Variants in SDK1 observed in about 807,000 individuals in gnomAD.
The protein encoded by SDK1 is sidekick cell adhesion molecule 1.
SDK1 carries 157 observed loss-of-function variants against 245.5 expected under a neutral mutation model. That is an observed-to-expected ratio of 0.64 (90% confidence interval 0.56 to 0.73). SDK1 has a LOEUF of 0.73. SDK1 is among the 30% of genes least tolerant of loss of function. The pLI is 0.00. For missense variants in SDK1, 3,583 were observed against 3,002.3 expected, an observed-to-expected ratio of 1.19 and a Z score of -4.52; for synonymous variants, 1,647 against 1,278.5, an observed-to-expected ratio of 1.29 and a Z score of -6.15.
rs559409864 is a variant in SDK1 at position 3,584,229 on chromosome 7, G to A, written c.299-34851G>A. Among the ~76,000 whole-genome samples the A allele has an allele frequency of 1.9e-4, 29 of 152,198 alleles. No individual in the cohort carries two copies. In the South Asian group the frequency reaches 6.0e-3, roughly 32 times the overall value. On this transcript the variant is annotated intron_variant, in intron 1 of 44. Coordinates refer to ENST00000404826, the MANE Select transcript of SDK1 (RefSeq NM_152744.4). ...TTAATATGCTTTGTGACTGTAGGAG[G>A]GGATATGTTGTGTCATCTCCAAACG...
intron 33 of SDK1, among the ~76,000 whole-genome samples, chr7:4,175,560 GC>G (rs1224325112): frequency 1.3e-5 from 2 of 152,266 alleles, no homozygotes; most frequent in African/African-American, 2.4e-5. Flanking sequence ...GGACTGGGGT[GC>G]CTTGTTGTTT....
At chr7:3,425,576 A>G (rs995966893) in intron 1 of SDK1, among the ~76,000 whole-genome samples, 5 of 152,246 alleles carry the variant, frequency 3.3e-5, no homozygotes, top group African/African-American at 1.2e-4. Flanking sequence ...AGAATGGAAA[A>G]CAAATTTATA....
At chr7:3,959,894 A>G (rs1437624244) in intron 8 of SDK1, among the ~76,000 whole-genome samples, 1 of 151,136 alleles carries the variant, frequency 6.6e-6, no homozygotes, top group Non-Finnish European at 1.5e-5. Context: ...GCCCACTGTC[A>G]CCGTCTCATG....
At position 4,084,651 on chromosome 7, in the gene SDK1, A is replaced by G. The variant is rs141280724; in HGVS notation, c.3324+5067A>G. On this transcript the variant is annotated intron_variant, in intron 22 of 44. Transcript: ENST00000404826. ...TTTCCAATGAAATTTCAGGTTACTG[A>G]CCTTAAATGTATATGTTATGTTACG... 2.3e-3 allele frequency among the ~76,000 whole-genome samples: 342 copies of G among 150,082 alleles called. 1 individual carries two copies. Among genetic ancestry groups the G allele is most frequent in the African/African-American group, 8.1e-3 (330 of 40,912 alleles).
chr7:3,514,323 T>C (rs1782670051), intron 1 of SDK1, among the ~76,000 whole-genome samples: 1 of 152,238 alleles, frequency 6.6e-6, no homozygotes, highest in African/African-American at 2.4e-5. Flanking sequence ...TTGTGTTTTC[T>C]GTTGATGAAA....
intron 1 of SDK1, among the ~76,000 whole-genome samples, chr7:3,552,430 CT>C (rs965917311): frequency 7.2e-5 from 11 of 152,310 alleles, no homozygotes; most frequent in African/African-American, 2.2e-4. Flanking sequence ...CTCAGCCACT[CT>C]TTTTGCCAGA....
At chr7:3,539,676 G>C (rs904293499) in intron 1 of SDK1, among the ~76,000 whole-genome samples, 2 of 152,212 alleles carry the variant, frequency 1.3e-5, no homozygotes, top group African/African-American at 4.8e-5. Flanking sequence ...GTTGTAGATT[G>C]AATGACTAAA....
At position 3,957,403 on chromosome 7, in the gene SDK1, C is replaced by T. The variant is rs539138522; in HGVS notation, c.1151-1528C>T. On this transcript the variant is annotated intron_variant, in intron 7 of 44. Coordinates refer to ENST00000404826, the MANE Select transcript of SDK1 (RefSeq NM_152744.4). ...GCAAGATGTTACCATTGCGGGAAGC[C>T]GAGTGAAGGGTCCATGAGCTCTTTC... Among the ~76,000 whole-genome samples, 5 of 152,250 alleles carry T rather than the reference C, an allele frequency of 3.3e-5. 1 individual carries two copies. Among genetic ancestry groups the T allele is most frequent in the East Asian group, 1.9e-4 (1 of 5,172 alleles).
At chr7:3,493,609 A>T (rs902766191) in intron 1 of SDK1, among the ~76,000 whole-genome samples, 2 of 152,228 alleles carry the variant, frequency 1.3e-5, no homozygotes, top group African/African-American at 4.8e-5. Context: ...GGAAAGCAGA[A>T]TTATAGAAAA....
In SDK1 at chr7:3,718,696, G is replaced by A. The variant is rs373970303; in HGVS notation, c.713+76591G>A. On this transcript the variant is annotated intron_variant, in intron 4 of 44. Transcript: ENST00000404826. ...GAAACTTACAACTAATACACTTAGT[G>A]GTGAGAAGGTGAATGCTTTTTCCCC... is the stretch of plus-strand genomic sequence containing the variant. Among the ~76,000 whole-genome samples the A allele has an allele frequency of 6.6e-5, 10 of 152,170 alleles. No homozygotes were observed. In the East Asian group the frequency reaches 1.9e-3, roughly 29 times the overall value.
At chr7:3,629,377 C>T (rs1782222490) in intron 2 of SDK1, among the ~76,000 whole-genome samples, 1 of 151,976 alleles carries the variant, frequency 6.6e-6, no homozygotes, top group South Asian at 2.1e-4. Flanking sequence ...TCCAGAGGGT[C>T]CCCCTTTAAT....
intron 22 of SDK1, among the ~76,000 whole-genome samples, chr7:4,106,645 A>AT (rs1782933425): frequency 1.3e-5 from 2 of 152,116 alleles, no homozygotes; most frequent in South Asian, 4.2e-4. Flanking sequence ...CTGCAGAGGG[A>AT]GCCGCACGCC....
At chr7:3,467,148 A>G (rs955727314) in intron 1 of SDK1, among the ~76,000 whole-genome samples, 3 of 152,092 alleles carry the variant, frequency 2.0e-5, no homozygotes. Context: ...TGCTTTCTTC[A>G]TGGGGAAAGT....
chr7:3,330,378 C>A (rs1201573741), intron 1 of SDK1, among the ~76,000 whole-genome samples: 1 of 152,026 alleles, frequency 6.6e-6, no homozygotes, highest in African/African-American at 2.4e-5. Flanking sequence ...TAAATGTGTT[C>A]CCTAAATTTT....
intron 1 of SDK1, among the ~76,000 whole-genome samples, chr7:3,441,195 GTTA>G (rs1780185761): frequency 6.6e-6 from 1 of 151,946 alleles, no homozygotes; most frequent in African/African-American, 2.4e-5. Flanking sequence ...TTTATTACTA[GTTA>G]TTGTTAATAT....
chr7:4,076,319 C>T (rs985022741), intron 20 of SDK1, among the ~76,000 whole-genome samples: 9 of 152,078 alleles, frequency 5.9e-5, no homozygotes, highest in Admixed American at 3.9e-4. Context: ...TAAGGGAGGC[C>T]GAGGCGGGAG....
At chr7:3,488,812 G>T (rs969470238) in intron 1 of SDK1, among the ~76,000 whole-genome samples, 1 of 152,022 alleles carries the variant, frequency 6.6e-6, no homozygotes, top group Non-Finnish European at 1.5e-5. Flanking sequence ...TGTCTCATAG[G>T]CTGGCTGTCC....
chr7:3,357,518 T>A (rs1412987232), intron 1 of SDK1, among the ~76,000 whole-genome samples: 1 of 144,038 alleles, frequency 6.9e-6, no homozygotes, highest in Non-Finnish European at 1.5e-5. Context: ...CCTGGCTTAA[T>A]TTTTTTTTTT....
At chr7:3,820,553 A>C (rs1200882162) in intron 4 of SDK1, among the ~76,000 whole-genome samples, 1 of 152,150 alleles carries the variant, frequency 6.6e-6, no homozygotes, top group Non-Finnish European at 1.5e-5. Context: ...TTTCAAATAA[A>C]AGTTCCTTGG....
Sources: gnomAD v4.1 joint callset for allele counts (sites outside exome capture counted in the v4.1 genomes callset) on GRCh38, gnomAD v4.1.1 for gene constraint, MANE v1.5 for transcripts, NCBI Gene and HGNC (gene_info 2026-07-23, HGNC 2026-07-21) for gene names.